The following POLA2 variants were observed in gnomAD, a reference collection of about 807,000 sequenced individuals.
POLA2 encodes DNA polymerase alpha 2, accessory subunit.
In POLA2, 47 loss-of-function variants were observed where a neutral mutation model predicts 82.8. The ratio of observed to expected loss-of-function variants is 0.57; its 90% CI spans 0.45 to 0.72. POLA2 has a LOEUF of 0.72. Ranked by LOEUF, POLA2 falls within the 30% of genes least tolerant of loss-of-function variation. The pLI, the probability that POLA2 is intolerant of heterozygous loss-of-function variation, is 0.00. For missense variants in POLA2, 634 were observed against 728.1 expected (o/e 0.87, Z 1.49); for synonymous variants, 287 against 286.8 (o/e 1.00, Z -0.01).
At chr11:65,267,337 T>C in intron 2 of POLA2, 140 bp from the exon 3 acceptor site, 1 of 566,122 alleles carries the variant, frequency 1.8e-6, no homozygotes, top group Non-Finnish European at 3.1e-6. Flanking sequence ...TTGTTTTTAG[T>C]CTGTGTGTAT....
chr11:65,263,995 C>G (rs1949430581), intron 1 of POLA2, among the ~76,000 whole-genome samples: 1 of 152,190 alleles, frequency 6.6e-6, no homozygotes, highest in Admixed American at 6.5e-5. Context: ...GAATTGTGGA[C>G]TTTGGATCAT....
At chr11:65,283,911 C>T (rs1949666950) in intron 10 of POLA2, among the ~76,000 whole-genome samples, 1 of 150,934 alleles carries the variant, frequency 6.6e-6, no homozygotes, top group Admixed American at 6.6e-5. Flanking sequence ...GTGGGAAGAT[C>T]ACTTGAGCCC....
At chr11:65,289,617 T>C (rs1949733151) in intron 12 of POLA2, among the ~76,000 whole-genome samples, 182 bp from the exon 13 acceptor site, 1 of 152,212 alleles carries the variant, frequency 6.6e-6, no homozygotes, top group Admixed American at 6.5e-5. Context: ...AATTCCCACA[T>C]CTCTTCTCCT....
chr11:65,279,509 A>G, intron 6 of POLA2, 29 bp from the exon 7 acceptor site: 1 of 1,434,288 alleles, frequency 7.0e-7, no homozygotes, highest in Non-Finnish European at 9.7e-7. Context: ...TCTTAAACAT[A>G]ATACTTTTTT....
downstream of POLA2, among the ~76,000 whole-genome samples, chr11:65,299,102 T>G (rs913705691): frequency 1.7e-4 from 26 of 152,212 alleles, no homozygotes; most frequent in Non-Finnish European, 3.7e-4. Context: ...TTCAGCTGTG[T>G]CACCAGTTTC....
chr11:65,289,030 C>CT lies in POLA2; in HGVS notation c.1132-17dup, dbSNP rs1015562161. 1 of 1,610,486 alleles carries CT rather than the reference C, an allele frequency of 6.2e-7. No individual in the cohort carries two copies. Among genetic ancestry groups the CT allele is most frequent in the Non-Finnish European group, 8.5e-7 (1 of 1,177,804 alleles). ...TGATTCTGATTTGTTCTTTTGGTGT[C>CT]TTTGTTTCTCCCCTTGCAGTTTGGC... On this transcript the variant is annotated intron_variant, in intron 11 of 17. Coordinates refer to ENST00000265465, the MANE Select transcript of POLA2 (RefSeq NM_002689.4).
Position 65,297,467 on chromosome 11 carries a change from A to G in POLA2, c.*198A>G, listed in dbSNP as rs1949824878. The G allele has an allele frequency of 4.0e-6, 2 of 495,152 alleles. No individual in the cohort carries two copies. Among genetic ancestry groups the G allele is most frequent in the Non-Finnish European group, 6.8e-6 (2 of 294,454 alleles). 30.7% of individuals were successfully genotyped at this position (495,152 alleles called of 1,614,324 possible). ...TGCCTCTGAGTGGTGCCTCTCCTGG[A>G]AGGAAGCTCTTGCTTCTCAGTCCAT... On this transcript the variant is annotated 3_prime_UTR_variant, in exon 18 of 18. Transcript: ENST00000265465.
chr11:65,287,953 C>A, intron 11 of POLA2, 113 bp downstream of exon 11: 1 of 1,052,800 alleles, frequency 9.5e-7, no homozygotes, highest in Non-Finnish European at 1.4e-6. Context: ...AATATCTTTT[C>A]ATTCTTAATC....
At chr11:65,281,770 T>G (rs1233167814) in intron 9 of POLA2, 38 bp downstream of exon 9, 4 of 1,497,402 alleles carry the variant, frequency 2.7e-6, no homozygotes, top group Non-Finnish European at 3.7e-6. Context: ...TTGGTTTGCT[T>G]CAGACAAAGT....
intron 13 of POLA2, among the ~76,000 whole-genome samples, chr11:65,291,329 C>T (rs182591570): frequency 6.6e-5 from 10 of 152,352 alleles, no homozygotes; most frequent in Admixed American, 5.9e-4. Flanking sequence ...TAAGTTGTAA[C>T]ATTACCTTCT....
At chr11:65,285,086 A>G (rs1215457092) in intron 10 of POLA2, among the ~76,000 whole-genome samples, 1 of 152,012 alleles carries the variant, frequency 6.6e-6, no homozygotes, top group Non-Finnish European at 1.5e-5. Flanking sequence ...CCTGGGCAAC[A>G]TGGTGAAACC....
At chr11:65,302,218 A>G (rs1949862751), downstream of POLA2, among the ~76,000 whole-genome samples, 1 of 152,186 alleles carries the variant, frequency 6.6e-6, no homozygotes, top group Non-Finnish European at 1.5e-5. Flanking sequence ...TCGCTCCCAG[A>G]TCTTCCCAGG....
In POLA2 at chr11:65,295,884, C is replaced by T. The variant is rs910188981; in HGVS notation, c.1541C>T (p.Pro514Leu). 1.9e-6 allele frequency: 3 copies of T among 1,613,508 alleles called. No individual in the cohort carries two copies. Among genetic ancestry groups the T allele is most frequent in the Non-Finnish European group, 2.5e-6 (3 of 1,179,480 alleles). The change falls in exon 17 of 18, where the codon CCC becomes CTC. Residue 514 changes from proline to leucine, a missense_variant. Transcript: ENST00000265465. ...TGTAGCTACTACCCACTCTACCCGC[C>T]CCAAGAAGACATGGCCATTGACTAT... Reference protein sequence around the residue: ...TQRSYYPLYPPQEDMAIDYES... With the variant: ...TQRSYYPLYPLQEDMAIDYES...
intron 17 of POLA2, among the ~76,000 whole-genome samples, chr11:65,296,808 A>G (rs1258053949): frequency 6.6e-6 from 1 of 151,980 alleles, no homozygotes; most frequent in Non-Finnish European, 1.5e-5. Context: ...TTAGCCAGGC[A>G]TGGTGGTGTG....
chr11:65,266,291 C>G (rs1245768861), intron 1 of POLA2, among the ~76,000 whole-genome samples: 1 of 152,224 alleles, frequency 6.6e-6, no homozygotes, highest in Non-Finnish European at 1.5e-5. Flanking sequence ...CCACTTCTCG[C>G]CATCTCCACT....
chr11:65,294,247 C>T lies in POLA2; in HGVS notation c.1339C>T (p.Arg447Ter), dbSNP rs778016625. The T allele has an allele frequency of 1.9e-6, 3 of 1,613,716 alleles. No homozygotes were observed. The highest frequency in any genetic ancestry group is 1.1e-5 in the South Asian group (1 of 91,074). ...GCCTTTCAGCTACTCCGATCTGTCT[C>T]GAGAGGACAAAAAGGTAGCAGCACC... Reference protein sequence around the residue: ...QPPFSYSDLSREDKKQVQFVS... With the variant: ...QPPFSYSDLS Residue 447 changes from arginine to a stop codon, truncating the protein, a stop_gained, in exon 14 of 18, where the codon CGA becomes TGA. Transcript: ENST00000265465. LOFTEE classifies it high-confidence loss of function.
Position 65,289,058 on chromosome 11 carries a change from T to C in POLA2, c.1140T>C (p.Pro380=). The change falls in exon 12 of 18, where the codon CCT becomes CCC. Residue 380 remains proline, a synonymous_variant. Coordinates refer to ENST00000265465, the MANE Select transcript of POLA2 (RefSeq NM_002689.4). ...DRPDVCILFG[P]FLDAKHEQVE... ...TGTTTCTCCCCTTGCAGTTTGGCCC[T>C]TTCCTGGATGCTAAGCATGAACAGG... The C allele has an allele frequency of 6.2e-7, 1 of 1,613,706 alleles. No individual in the cohort carries two copies. The highest frequency in any genetic ancestry group is 8.5e-7 in the Non-Finnish European group (1 of 1,179,776).
chr11:65,269,055 C>G (rs1949493378), intron 4 of POLA2, among the ~76,000 whole-genome samples: 2 of 152,126 alleles, frequency 1.3e-5, no homozygotes, highest in African/African-American at 4.8e-5. Context: ...TGTGAAAGGT[C>G]AAGTAGGGTA....
At chr11:65,274,590 G>A (rs1405329445) in intron 4 of POLA2, among the ~76,000 whole-genome samples, 1 of 151,666 alleles carries the variant, frequency 6.6e-6, no homozygotes, top group Admixed American at 6.6e-5. Flanking sequence ...TGAGGCAGCA[G>A]CATCGCTTGA....
Sources: gnomAD v4.1 joint callset for allele counts (sites outside exome capture counted in the v4.1 genomes callset) on GRCh38, gnomAD v4.1.1 for gene constraint, MANE v1.5 for transcripts, NCBI Gene and HGNC (gene_info 2026-07-23, HGNC 2026-07-21) for gene names.